MALRD1: variants seen among roughly 807,000 people sequenced by gnomAD.
MALRD1 encodes MAM and LDL-receptor class A domain-containing protein 1.
A neutral mutation model predicts 242.1 loss-of-function variants in MALRD1; 247 were observed. The observed-to-expected ratio is 1.02, with a 90% CI of 0.92 to 1.13. MALRD1 has a LOEUF of 1.13. MALRD1 is among the 50% of genes most tolerant of loss of function. MALRD1 has a pLI of 0.00. For missense variants in MALRD1, 2,989 were observed against 2,533.1 expected, an observed-to-expected ratio of 1.18 and a Z score of -3.86; for synonymous variants, 995 against 866.6, an observed-to-expected ratio of 1.15 and a Z score of -2.60.
At chr10:19,366,077 G>A (rs762264101) in intron 26 of MALRD1, among the ~76,000 whole-genome samples, 2 of 151,780 alleles carry the variant, frequency 1.3e-5, no homozygotes, top group Non-Finnish European at 2.9e-5. Flanking sequence ...AGGGGGAAGG[G>A]GTGGTTTAGG....
intron 21 of MALRD1, among the ~76,000 whole-genome samples, chr10:19,293,582 A>G (rs1443993694): frequency 6.6e-6 from 1 of 152,210 alleles, no homozygotes; most frequent in Non-Finnish European, 1.5e-5. Flanking sequence ...CTAGAAAAGA[A>G]CGAGATCATG....
intron 28 of MALRD1, among the ~76,000 whole-genome samples, chr10:19,439,216 G>A (rs949461575): frequency 6.7e-5 from 10 of 149,324 alleles, no homozygotes; most frequent in African/African-American, 2.3e-4. Context: ...GAAAGATTAA[G>A]GCAATGTACA....
intron 31 of MALRD1, among the ~76,000 whole-genome samples, chr10:19,520,751 C>G (rs1833842619): frequency 6.6e-6 from 1 of 151,924 alleles, no homozygotes; most frequent in Non-Finnish European, 1.5e-5. Context: ...GTTTCGACAA[C>G]AAAAACAAAC....
intron 35 of MALRD1, among the ~76,000 whole-genome samples, chr10:19,613,187 C>G (rs1838982505): frequency 6.6e-6 from 1 of 151,854 alleles, no homozygotes; most frequent in South Asian, 2.1e-4. Flanking sequence ...AGGAAAAACC[C>G]TGAACAGTGG....
At chr10:19,230,931 A>T (rs1268872357) in intron 18 of MALRD1, among the ~76,000 whole-genome samples, 2 of 152,148 alleles carry the variant, frequency 1.3e-5, no homozygotes, top group East Asian at 3.9e-4. Context: ...CTGGCCATGA[A>T]ATAGCTCTGC....
intron 36 of MALRD1, among the ~76,000 whole-genome samples, chr10:19,624,326 C>T: frequency 6.6e-6 from 1 of 151,982 alleles, no homozygotes; most frequent in East Asian, 1.9e-4. Flanking sequence ...GAACATAGAA[C>T]AGTTAAGAAG....
intron 38 of MALRD1, among the ~76,000 whole-genome samples, chr10:19,703,406 A>C (rs1283135323): frequency 6.6e-6 from 1 of 152,170 alleles, no homozygotes; most frequent in Non-Finnish European, 1.5e-5. Flanking sequence ...CTCTCGTGGC[A>C]GGGATGGGCC....
chr10:19,636,787 T>C (rs1025867690), intron 36 of MALRD1, among the ~76,000 whole-genome samples: 7 of 151,342 alleles, frequency 4.6e-5, no homozygotes, highest in African/African-American at 1.7e-4. Context: ...TAATCCCAGC[T>C]ACTCAGGAGG....
intron 29 of MALRD1, among the ~76,000 whole-genome samples, chr10:19,451,302 G>C (rs1303591442): frequency 6.6e-6 from 1 of 151,984 alleles, no homozygotes; most frequent in Non-Finnish European, 1.5e-5. Context: ...TGAGCTGAGA[G>C]CTGTGCTTGG....
chr10:19,587,647 C>T (rs1030007398), intron 33 of MALRD1, among the ~76,000 whole-genome samples: 4 of 152,152 alleles, frequency 2.6e-5, no homozygotes, highest in Admixed American at 6.5e-5. Context: ...ATTAAATGAA[C>T]AATGAAACTT....
intron 35 of MALRD1, among the ~76,000 whole-genome samples, chr10:19,608,289 T>C (rs1010134525): frequency 3.3e-5 from 5 of 152,124 alleles, no homozygotes; most frequent in Non-Finnish European, 5.9e-5. Flanking sequence ...TGTCCACTTC[T>C]TTATAAGAGT....
intron 38 of MALRD1, among the ~76,000 whole-genome samples, chr10:19,729,102 T>A (rs564954324): frequency 6.6e-5 from 10 of 152,306 alleles, no homozygotes; most frequent in Non-Finnish European, 1.3e-4. Flanking sequence ...TATTGTATAT[T>A]TAAGCCAGTG....
chr10:19,085,850 G>A (rs1030302165), intron 2 of MALRD1, among the ~76,000 whole-genome samples: 1 of 151,520 alleles, frequency 6.6e-6, no homozygotes, highest in African/African-American at 2.4e-5. Context: ...TTTATCTCAG[G>A]GATTCTTTTT....
chr10:19,710,579 G>A (rs936426742), intron 38 of MALRD1: 2 of 152,136 alleles, frequency 1.3e-5, no homozygotes, highest in East Asian at 3.8e-4. Flanking sequence ...ATCCCAGGTT[G>A]TTCTAAATCC....
intron 22 of MALRD1, among the ~76,000 whole-genome samples, chr10:19,324,969 C>T (rs1843055210): frequency 7.3e-6 from 1 of 137,898 alleles, no homozygotes. Flanking sequence ...TTTATTTCAT[C>T]TCCATTTTAC....
Position 19,592,728 on chromosome 10 carries a change from G to GACACACAC in MALRD1, c.5681-2439_5681-2432dup, listed in dbSNP as rs71949886. Among the ~76,000 whole-genome samples the GACACACAC allele has an allele frequency of 2.0e-3, 249 of 123,896 alleles. 2 individuals are homozygous for GACACACAC. In the East Asian group the frequency reaches 0.022, roughly 11 times the overall value. 81.3% of individuals were successfully genotyped at this position (123,896 alleles called of 152,430 possible). A position where few individuals can be genotyped will look rare whatever the true frequency, so the allele number is the denominator to read the frequency against. On this transcript the variant is annotated intron_variant, in intron 33 of 39. Transcript: ENST00000454679. ...TATCCACTATAAGGAAAAATATAAA[G>GACACACAC]ACACACACACACACACACACACACA...
At chr10:19,451,190 A>T (rs2131042456) in intron 29 of MALRD1, among the ~76,000 whole-genome samples, 1 of 152,284 alleles carries the variant, frequency 6.6e-6, no homozygotes. Context: ...TATTTACCTA[A>T]TTTAAACTAA....
At chr10:19,567,912 T>C (rs1240998359) in intron 33 of MALRD1, among the ~76,000 whole-genome samples, 1 of 152,134 alleles carries the variant, frequency 6.6e-6, no homozygotes, top group Non-Finnish European at 1.5e-5. Context: ...CAAAATAACT[T>C]TGCACTAAAG....
chr10:19,582,142 G>A (rs539689720), intron 33 of MALRD1, among the ~76,000 whole-genome samples: 135 of 151,960 alleles, frequency 8.9e-4, no homozygotes, highest in African/African-American at 3.0e-3. Context: ...AGATGAGTAG[G>A]TTGCAAAAAT....
Sources: gnomAD v4.1 joint callset for allele counts (sites outside exome capture counted in the v4.1 genomes callset) on GRCh38, gnomAD v4.1.1 for gene constraint, MANE v1.5 for transcripts, NCBI Gene and HGNC (gene_info 2026-07-23, HGNC 2026-07-21) for gene names.